Variants in SBF2 observed in about 807,000 individuals in gnomAD.
SBF2 encodes SET binding factor 2.
SBF2 carries 112 observed loss-of-function variants against 225.2 expected under a neutral mutation model. The ratio of observed to expected loss-of-function variants is 0.50; its 90% CI spans 0.43 to 0.58. The LOEUF (loss-of-function observed/expected upper bound fraction) is 0.58. Among genes scored for constraint, SBF2 ranks in the 20% least tolerant of loss-of-function variants. SBF2 has a pLI of 0.00. For missense variants in SBF2, 1,996 were observed against 2,206.2 expected, an observed-to-expected ratio of 0.90 and a Z score of 1.91; for synonymous variants, 763 against 773.3, an observed-to-expected ratio of 0.99 and a Z score of 0.22.
chr11:10,140,167 C>T (rs1954572589), intron 2 of SBF2, among the ~76,000 whole-genome samples: 1 of 152,134 alleles, frequency 6.6e-6, no homozygotes, highest in African/African-American at 2.4e-5. Context: ...TGGTCTGTGA[C>T]TAGAAACACA....
chr11:9,907,907 C>A (rs966097356), intron 16 of SBF2, among the ~76,000 whole-genome samples: 1 of 152,132 alleles, frequency 6.6e-6, no homozygotes, highest in South Asian at 2.1e-4. Context: ...TGAAACTGAG[C>A]CTCTCAGAGG....
intron 2 of SBF2, among the ~76,000 whole-genome samples, chr11:10,060,503 A>C (rs1460968495): frequency 6.6e-6 from 1 of 152,204 alleles, no homozygotes. Context: ...AAAATTGAGG[A>C]GGAAGGACTT....
intron 29 of SBF2, among the ~76,000 whole-genome samples, chr11:9,814,483 AC>A (rs1156922067): frequency 6.6e-6 from 1 of 151,982 alleles, no homozygotes. Context: ...ATAGGAAAAA[AC>A]CCCCAGGGAA....
rs749161174 is a variant in SBF2 at position 9,850,047 on chromosome 11, T to C, written c.2782A>G (p.Arg928Gly). ...CCTAACTGATCATGGGGTGTTCCTC[T>C]GAAGAGAATTCTGTATGTGGTGAGG... ...LFLTTYRILF[R>G]GTPHDQLVGE... The change falls in exon 22 of 40, where the codon AGA becomes GGA. Residue 928 changes from arginine (R) to glycine (G), a missense_variant. Coordinates refer to ENST00000256190, the MANE Select transcript of SBF2 (RefSeq NM_030962.4). The C allele has an allele frequency of 6.2e-7, 1 of 1,614,106 alleles. No individual in the cohort carries two copies. Among genetic ancestry groups the C allele is most frequent in the South Asian group, 1.1e-5 (1 of 91,078 alleles).
chr11:9,982,819 C>T (rs1048881080), intron 13 of SBF2, among the ~76,000 whole-genome samples: 1 of 152,232 alleles, frequency 6.6e-6, no homozygotes, highest in Non-Finnish European at 1.5e-5. Flanking sequence ...ACCGGAGAAG[C>T]TGAAGGTCTG....
At chr11:10,015,266 T>C (rs538446375) in intron 6 of SBF2, among the ~76,000 whole-genome samples, 4 of 152,370 alleles carry the variant, frequency 2.6e-5, no homozygotes, top group Admixed American at 2.6e-4. Context: ...CGGATGAATT[T>C]AGTTATTTCT....
chr11:10,289,672 C>G (rs1018695649), intron 1 of SBF2, among the ~76,000 whole-genome samples: 2 of 152,122 alleles, frequency 1.3e-5, no homozygotes, highest in African/African-American at 2.4e-5. Flanking sequence ...CGGCCCTGCT[C>G]AGAGCCTACC....
chr11:10,262,431 G>A (rs726102), intron 1 of SBF2, among the ~76,000 whole-genome samples: 74,514 of 151,794 alleles, frequency 0.49, 18,640 homozygotes, highest in Non-Finnish European at 0.54. Context: ...CTACTTCCAT[G>A]AGCCCTTTCC....
chr11:9,826,026 T>C (rs1033612811), intron 28 of SBF2, among the ~76,000 whole-genome samples: 1 of 152,208 alleles, frequency 6.6e-6, no homozygotes, highest in East Asian at 1.9e-4. Context: ...ATCAAATGTA[T>C]GGATGACAAA....
chr11:9,846,929 T>C, intron 23 of SBF2, 27 bp downstream of exon 23: 2 of 1,613,346 alleles, frequency 1.2e-6, no homozygotes, highest in African/African-American at 1.3e-5. Flanking sequence ...TTTTGAATAG[T>C]AAAACAATGG....
intron 17 of SBF2, among the ~76,000 whole-genome samples, chr11:9,888,934 T>C (rs114738573): frequency 2.7e-3 from 407 of 152,318 alleles, no homozygotes; most frequent in African/African-American, 8.7e-3. Flanking sequence ...ACGTAGCATC[T>C]TGTATATAGT....
chr11:9,820,463 C>T (rs920628725), intron 28 of SBF2, among the ~76,000 whole-genome samples: 4 of 152,208 alleles, frequency 2.6e-5, no homozygotes, highest in Non-Finnish European at 5.9e-5. Context: ...GACTGCTCTC[C>T]TTTCTGCCAA....
chr11:10,225,135 C>G (rs1371577235), intron 1 of SBF2, among the ~76,000 whole-genome samples: 2 of 151,966 alleles, frequency 1.3e-5, no homozygotes, highest in African/African-American at 4.8e-5. Context: ...CCTTCGTTGT[C>G]CCTGATAATC....
intron 17 of SBF2, among the ~76,000 whole-genome samples, chr11:9,883,600 CATT>C (rs766815193): frequency 2.8e-4 from 43 of 152,184 alleles, no homozygotes; most frequent in South Asian, 8.3e-4. Context: ...TGCTGGGCAT[CATT>C]ATTATTATAT....
intron 16 of SBF2, among the ~76,000 whole-genome samples, chr11:9,927,298 C>T (rs1051464436): frequency 1.3e-5 from 2 of 152,002 alleles, no homozygotes; most frequent in African/African-American, 4.8e-5. Context: ...TTATGAATTC[C>T]ACCAAATATT....
chr11:10,272,720 A>G (rs1962598540), intron 1 of SBF2, among the ~76,000 whole-genome samples: 1 of 151,816 alleles, frequency 6.6e-6, no homozygotes, highest in Non-Finnish European at 1.5e-5. Context: ...GGCTGTGATG[A>G]TACCACTGCA....
At chr11:9,886,699 G>GTTTTTTTTTTTT (rs61240594) in intron 17 of SBF2, among the ~76,000 whole-genome samples, 15 of 133,758 alleles carry the variant, frequency 1.1e-4, no homozygotes, top group East Asian at 2.1e-4. Flanking sequence ...TGATTCATGT[G>GTTTTTTTTTTTT]TTTTTTTTTT....
chr11:10,172,137 T>C (rs896435015), intron 2 of SBF2, among the ~76,000 whole-genome samples: 8 of 152,136 alleles, frequency 5.3e-5, no homozygotes, highest in African/African-American at 1.4e-4. Context: ...AATTTATTTC[T>C]GCTCCGATCT....
chr11:9,871,743 A>T (rs1397352138), intron 17 of SBF2, among the ~76,000 whole-genome samples: 1 of 152,062 alleles, frequency 6.6e-6, no homozygotes, highest in Non-Finnish European at 1.5e-5. Flanking sequence ...CGCCTGCCTC[A>T]GCCTCCCAAA....
Sources: allele counts gnomAD v4.1 joint callset (sites outside exome capture counted in the v4.1 genomes callset), GRCh38; gene constraint gnomAD v4.1.1; transcripts MANE v1.5; gene names NCBI Gene and HGNC (gene_info 2026-07-23, HGNC 2026-07-21).